The following GDPD5 variants were observed in gnomAD, a reference collection of about 807,000 sequenced individuals.
GDPD5 encodes the protein glycerophosphodiester phosphodiesterase domain containing 5.
In GDPD5, 48 loss-of-function variants were observed where a neutral mutation model predicts 75.1. The ratio of observed to expected loss-of-function variants is 0.64; its 90% CI spans 0.51 to 0.81. The LOEUF is 0.81. GDPD5 is among the 40% of genes least tolerant of loss of function. The probability of loss-of-function intolerance (pLI) is 0.00; values close to 1 mark genes in which losing one functional copy is unlikely to be tolerated. For synonymous variants in GDPD5, 336 were observed against 339.0 expected (o/e 0.99, Z 0.10); for missense variants, 706 against 822.6 (o/e 0.86, Z 1.73).
intron 3 of GDPD5, among the ~76,000 whole-genome samples, chr11:75,476,698 C>G (rs1358349937): frequency 6.6e-6 from 1 of 152,152 alleles, no homozygotes; most frequent in East Asian, 1.9e-4. Context: ...TGGTGCCCAC[C>G]CTGGCAGTTC....
intron 3 of GDPD5, among the ~76,000 whole-genome samples, chr11:75,463,340 GC>G (rs1264509842): frequency 6.6e-6 from 1 of 152,120 alleles, no homozygotes; most frequent in Admixed American, 6.5e-5. Context: ...CAAGTGACTT[GC>G]CCAGGTCACA....
chr11:75,449,803 C>T, intron 7 of GDPD5, 82 bp downstream of exon 7: 1 of 1,482,142 alleles, frequency 6.7e-7, no homozygotes, highest in Non-Finnish European at 9.4e-7. Flanking sequence ...CCTCCCTGCC[C>T]TTCTTTGGGC....
Position 75,442,312 on chromosome 11 carries a change from C to G in GDPD5, c.1167+51G>C, listed in dbSNP as rs562373998. 18 of 1,391,838 alleles carry G rather than the reference C, an allele frequency of 1.3e-5. No individual in the cohort carries two copies. In the East Asian group the frequency reaches 4.0e-4, roughly 31 times the overall value. 86.2% of individuals were successfully genotyped at this position (1,391,838 alleles called of 1,614,324 possible). On this transcript the variant is annotated intron_variant, in intron 12 of 16. Coordinates refer to ENST00000336898, the MANE Select transcript of GDPD5 (RefSeq NM_030792.8). The stretch of plus-strand genomic sequence containing the variant: ...AGGGAAAGGCTATGCAGCAGCAGGG[C>G]TCTAGCCAGGCCAGGGCTCCCGGGG...
Position 75,442,488 on chromosome 11 carries a change from G to C in GDPD5, c.1042C>G (p.Leu348Val). Residue 348 changes from leucine to valine, a missense_variant, in exon 12 of 17, where the codon CTG becomes GTG. By Grantham distance (32) the Leu-to-Val change is conservative. Transcript: ENST00000336898. ...AGCAGTGTGGCATTGCCCTTGGCCA[G>C]CTCCAGGAGCTCTGCCAGGCTGCAG... ...SICSLAELLE[L>V]AKGNATLLLN... 1 of 1,614,070 alleles carries C rather than the reference G, an allele frequency of 6.2e-7. No homozygotes were observed. The highest frequency in any genetic ancestry group is 1.1e-5 in the South Asian group (1 of 91,068).
chr11:75,439,260 G>A (rs942483882), intron 15 of GDPD5: 3 of 448,460 alleles, frequency 6.7e-6, no homozygotes, highest in African/African-American at 2.0e-5. Flanking sequence ...TGCACGGTGG[G>A]TTTTTAGACA....
At chr11:75,449,677 C>T in intron 7 of GDPD5, 67 bp from the exon 8 acceptor site, 1 of 1,488,876 alleles carries the variant, frequency 6.7e-7, no homozygotes, top group Non-Finnish European at 9.2e-7. Flanking sequence ...TGTCACCAGC[C>T]TCCTACTTCT....
chr11:75,524,505 A>G (rs1341605119), intron 1 of GDPD5, among the ~76,000 whole-genome samples: 1 of 152,232 alleles, frequency 6.6e-6, no homozygotes, highest in African/African-American at 2.4e-5. Flanking sequence ...CAGTGTCCCC[A>G]TTAGTAATGT....
At chr11:75,523,616 T>G (rs138461107) in intron 1 of GDPD5, among the ~76,000 whole-genome samples, 80 of 152,336 alleles carry the variant, frequency 5.3e-4, no homozygotes, top group Middle Eastern at 3.4e-3. Context: ...AGGTCACAAG[T>G]GACTCTGCAA....
chr11:75,489,882 G>T (rs61897414), intron 2 of GDPD5, among the ~76,000 whole-genome samples: 8,304 of 152,058 alleles, frequency 0.055, 331 homozygotes, highest in East Asian at 0.13. Context: ...GGGACTACAG[G>T]TGCATGCCAC....
chr11:75,455,002 G>A (rs930290712), intron 6 of GDPD5, among the ~76,000 whole-genome samples: 5 of 152,170 alleles, frequency 3.3e-5, no homozygotes, highest in Non-Finnish European at 5.9e-5. Flanking sequence ...GGTGGGGCGG[G>A]TCGAGCTCTG....
At chr11:75,468,365 C>T (rs2135325621) in intron 3 of GDPD5, among the ~76,000 whole-genome samples, 1 of 152,316 alleles carries the variant, frequency 6.6e-6, no homozygotes, top group South Asian at 2.1e-4. Context: ...TACTCTACTC[C>T]ACTGGCTCCT....
intron 14 of GDPD5, among the ~76,000 whole-genome samples, chr11:75,440,652 C>T (rs945573332): frequency 6.6e-6 from 1 of 152,180 alleles, no homozygotes; most frequent in Non-Finnish European, 1.5e-5. Flanking sequence ...ACCTGCTGGG[C>T]TCAAGCAATC....
At chr11:75,483,769 A>C (rs1809792374) in intron 2 of GDPD5, among the ~76,000 whole-genome samples, 1 of 152,236 alleles carries the variant, frequency 6.6e-6, no homozygotes, top group African/African-American at 2.4e-5. Flanking sequence ...TCCATGTATA[A>C]GAAATGACCA....
At chr11:75,456,225 C>A (rs1949283214) in intron 6 of GDPD5, among the ~76,000 whole-genome samples, 1 of 152,164 alleles carries the variant, frequency 6.6e-6, no homozygotes, top group Non-Finnish European at 1.5e-5. Context: ...GTTGGGAGAT[C>A]AGCAGGGGCC....
At chr11:75,495,680 G>A (rs908240619) in intron 1 of GDPD5, among the ~76,000 whole-genome samples, 9 of 152,130 alleles carry the variant, frequency 5.9e-5, no homozygotes, top group African/African-American at 2.2e-4. Flanking sequence ...GAGGGAAGGA[G>A]GGAAAATCAA....
chr11:75,510,546 C>G (rs1203390040), intron 1 of GDPD5, among the ~76,000 whole-genome samples: 2 of 152,236 alleles, frequency 1.3e-5, no homozygotes, highest in Non-Finnish European at 2.9e-5. Flanking sequence ...CCCACATCCA[C>G]AGGCTCCTTA....
chr11:75,441,412 G>GC (rs1360198407), intron 13 of GDPD5, 102 bp from the exon 14 acceptor site: 29 of 1,443,836 alleles, frequency 2.0e-5, no homozygotes, highest in Non-Finnish European at 2.1e-5. Flanking sequence ...TCACAGCCAT[G>GC]CCCGGGGCAA....
chr11:75,469,351 C>G (rs1449445897), intron 3 of GDPD5, among the ~76,000 whole-genome samples: 3 of 152,224 alleles, frequency 2.0e-5, no homozygotes, highest in Non-Finnish European at 4.4e-5. Flanking sequence ...GAGCCCTTTA[C>G]TTGCTCCATC....
chr11:75,436,785 G>A, intron 16 of GDPD5, 151 bp downstream of exon 16: 2 of 629,346 alleles, frequency 3.2e-6, no homozygotes, highest in South Asian at 1.8e-5. Flanking sequence ...ATGTCTGTGG[G>A]TATAATCCCG....
Sources: allele counts gnomAD v4.1 joint callset (sites outside exome capture counted in the v4.1 genomes callset), GRCh38; gene constraint gnomAD v4.1.1; transcripts MANE v1.5; gene names NCBI Gene and HGNC (gene_info 2026-07-23, HGNC 2026-07-21).